Variants in LRRK2 observed in about 807,000 individuals in gnomAD.
LRRK2 encodes leucine rich repeat kinase 2.
A neutral mutation model predicts 302.6 loss-of-function variants in LRRK2; 203 were observed. That is an observed-to-expected ratio of 0.67 (90% CI 0.60 to 0.75). The LOEUF (loss-of-function observed/expected upper bound fraction) is 0.75, where lower values mean the gene tolerates loss of function less well. Ranked by LOEUF, LRRK2 falls within the 30% of genes least tolerant of loss-of-function variation. LRRK2 has a pLI of 0.00. For missense variants in LRRK2, 2,830 were observed against 2,951.0 expected, an observed-to-expected ratio of 0.96 and a Z score of 0.95; for synonymous variants, 1,066 against 1,031.9, an observed-to-expected ratio of 1.03 and a Z score of -0.63.
chr12:40,273,587 G>C (rs1408644445), intron 14 of LRRK2, among the ~76,000 whole-genome samples: 1 of 152,186 alleles, frequency 6.6e-6, no homozygotes, highest in Non-Finnish European at 1.5e-5. Context: ...AAAGACGTCT[G>C]GCTTGAAGCT....
intron 7 of LRRK2, 103 bp downstream of exon 7, chr12:40,243,784 C>A: frequency 9.0e-7 from 1 of 1,108,308 alleles, no homozygotes; most frequent in Non-Finnish European, 1.3e-6. Context: ...TATTGACATA[C>A]TTTGAATGAA....
In LRRK2 at chr12:40,320,110, T is replaced by G; in HGVS notation, c.4950T>G (p.Phe1650Leu). 3 of 1,611,998 alleles carry G rather than the reference T, an allele frequency of 1.9e-6. No individual in the cohort carries two copies. Among genetic ancestry groups the G allele is most frequent in the South Asian group, 1.1e-5 (1 of 90,770 alleles). ...CAAAGAACTACATGTCACAGTATTT[T>G]AAGCTCCTAGAAAAATTCCAGATTG... ...KFPKNYMSQY[F>L]KLLEKFQIAL... The change falls in exon 34 of 51, where the codon TTT becomes TTG. Residue 1650 changes from phenylalanine (F) to leucine (L), a missense_variant. Phe to Leu is a conservative substitution (Grantham distance 22, BLOSUM62 0). Transcript: ENST00000298910.
intron 18 of LRRK2, among the ~76,000 whole-genome samples, chr12:40,281,951 G>GA (rs546866356): frequency 4.6e-5 from 7 of 151,882 alleles, no homozygotes; most frequent in Middle Eastern, 3.4e-3. Flanking sequence ...ATATCTTAGA[G>GA]AAAAAAAAGT....
At chr12:40,268,414 GCAA>G (rs879901603) in intron 14 of LRRK2, among the ~76,000 whole-genome samples, 3 of 151,976 alleles carry the variant, frequency 2.0e-5, no homozygotes, top group African/African-American at 2.4e-5. Flanking sequence ...ATCTGCAAAA[GCAA>G]CAACAACAAT....
At chr12:40,319,687 T>C (rs1945338747) in intron 33 of LRRK2, among the ~76,000 whole-genome samples, 1 of 152,094 alleles carries the variant, frequency 6.6e-6, no homozygotes, top group Non-Finnish European at 1.5e-5. Flanking sequence ...ATGTGAGGTA[T>C]TGGATTGATC....
At chr12:40,242,541 A>G (rs1030856814) in intron 6 of LRRK2, among the ~76,000 whole-genome samples, 3 of 151,472 alleles carry the variant, frequency 2.0e-5, no homozygotes, top group Non-Finnish European at 4.4e-5. Flanking sequence ...TCTTCCACCT[A>G]TTTTGGAGCC....
chr12:40,258,825 A>G (rs1234087630), intron 12 of LRRK2, among the ~76,000 whole-genome samples: 2 of 152,182 alleles, frequency 1.3e-5, no homozygotes, highest in African/African-American at 4.8e-5. Context: ...AGAACCATGC[A>G]AAGTGAGAAC....
chr12:40,298,530 A>G, intron 24 of LRRK2, 37 bp downstream of exon 24: 1 of 1,611,910 alleles, frequency 6.2e-7, no homozygotes. Flanking sequence ...AGGGTTGCCT[A>G]AATATGCTGA....
At chr12:40,315,598 G>C (rs1453211460) in intron 33 of LRRK2, among the ~76,000 whole-genome samples, 1 of 151,918 alleles carries the variant, frequency 6.6e-6, no homozygotes, top group Non-Finnish European at 1.5e-5. Context: ...TACTGAATTA[G>C]TCAATTGAAT....
intron 50 of LRRK2, 24 bp from the exon 51 acceptor site, chr12:40,367,620 G>T (rs202072028): frequency 1.9e-6 from 3 of 1,593,604 alleles, no homozygotes; most frequent in African/African-American, 2.7e-5. Context: ...TTTGAAACAT[G>T]ATTTCATTTT....
intron 29 of LRRK2, 87 bp downstream of exon 29, chr12:40,308,783 C>A: frequency 8.2e-7 from 1 of 1,219,650 alleles, no homozygotes; most frequent in Non-Finnish European, 1.2e-6. Flanking sequence ...TTCTAATATC[C>A]AGAAACCTGG....
chr12:40,284,961 C>T (rs1249815862), intron 19 of LRRK2, among the ~76,000 whole-genome samples: 2 of 152,156 alleles, frequency 1.3e-5, no homozygotes, highest in Non-Finnish European at 2.9e-5. Context: ...AAACTGAGTG[C>T]TGCTAGAGAA....
At position 40,367,682 on chromosome 12, in the gene LRRK2, C is replaced by T. The variant is rs1416992465; in HGVS notation, c.7501C>T (p.Pro2501Ser). The change falls in exon 51 of 51, where the codon CCA (proline) becomes TCA (serine). Residue 2501 changes from proline to serine, a missense_variant. Physicochemically the swap from Pro to Ser is moderately conservative, Grantham distance 74 (BLOSUM62 -1). Around this residue, in one of 3 missense-constraint regions of LRRK2, gnomAD observed 456 missense variants for 456.3 expected, o/e 1.00. Coordinates refer to ENST00000298910, the MANE Select transcript of LRRK2 (RefSeq NM_198578.4). ...SCLTVWDINL[P>S]HEVQNLEKHI... ...CTTGACCGTTTGGGACATCAATCTTCCACATGAAGTGCAAAATTTAGAAAA... is the reference window on the plus strand; with the variant it reads ...CTTGACCGTTTGGGACATCAATCTTTCACATGAAGTGCAAAATTTAGAAAA... 2 of 1,602,960 alleles carry T rather than the reference C, an allele frequency of 1.2e-6. No homozygotes were observed. Among genetic ancestry groups the T allele is most frequent in the South Asian group, 1.1e-5 (1 of 89,756 alleles).
At position 40,225,182 on chromosome 12, in the gene LRRK2, G is replaced by T. The variant is rs760489048; in HGVS notation, c.51G>T (p.Lys17Asn). The T allele has an allele frequency of 1.2e-6, 2 of 1,614,228 alleles. No homozygotes were observed. Among genetic ancestry groups the T allele is most frequent in the South Asian group, 1.1e-5 (1 of 91,090 alleles). The change falls in exon 1 of 51, where the codon AAG becomes AAT. Residue 17 changes from lysine (K) to asparagine (N), a missense_variant. By Grantham distance (94) the Lys-to-Asn change is moderately conservative. Coordinates refer to ENST00000298910, the MANE Select transcript of LRRK2 (RefSeq NM_198578.4). ...QGCEEDEETL[K>N]KLIVRLNNVQ... Reference sequence around the variant, plus strand: ...GCGAAGAGGACGAGGAAACTCTGAAGAAGTTGATAGTCAGGCTGAACAATG... The same window carrying T: ...GCGAAGAGGACGAGGAAACTCTGAATAAGTTGATAGTCAGGCTGAACAATG...
chr12:40,298,643 G>T, intron 24 of LRRK2, 150 bp downstream of exon 24: 1 of 967,948 alleles, frequency 1.0e-6, no homozygotes, highest in East Asian at 2.7e-5. Context: ...GTGGTGGTGC[G>T]CACCTTATAA....
chr12:40,355,506 T>TCCCTCCCC (rs1946501082), intron 45 of LRRK2, among the ~76,000 whole-genome samples: 1 of 60,122 alleles, frequency 1.7e-5, no homozygotes, highest in Non-Finnish European at 4.4e-5. Flanking sequence ...CTTCCTTCCA[T>TCCCTCCCC]CCCTCCCTCC....
chr12:40,364,021 G>C (rs1416174220), intron 48 of LRRK2, among the ~76,000 whole-genome samples: 1 of 151,992 alleles, frequency 6.6e-6, no homozygotes. Flanking sequence ...TGAGAGCATA[G>C]TGCTTAGTCT....
In LRRK2 at chr12:40,323,165, C is replaced by A; in HGVS notation, c.5515C>A (p.Leu1839Ile). The A allele has an allele frequency of 6.2e-7, 1 of 1,612,636 alleles. No individual in the cohort carries two copies. The highest frequency in any genetic ancestry group is 8.5e-7 in the Non-Finnish European group (1 of 1,178,932). ...DLMKKAEEGD[L>I]LVNPDQPRLT... ...AATGTTTTATTACTTCTCAGGAGAT[C>A]TCTTAGTAAATCCAGATCAACCAAG... The change falls in exon 38 of 51, where the codon CTC becomes ATC. Residue 1839 changes from leucine (L) to isoleucine (I), a missense_variant. Physicochemically the swap from Leu to Ile is conservative, Grantham distance 5. This residue lies in a region of LRRK2 where 2,121 missense variants were observed against 2,148.0 expected (regional missense o/e 0.99). Transcript: ENST00000298910.
At chr12:40,231,622 A>G (rs1043841048) in intron 2 of LRRK2, among the ~76,000 whole-genome samples, 1 of 148,520 alleles carries the variant, frequency 6.7e-6, no homozygotes. Flanking sequence ...AGGATCTGGT[A>G]TAGCCATTCT....
Sources: allele counts gnomAD v4.1 joint callset (sites outside exome capture counted in the v4.1 genomes callset), GRCh38; gene constraint gnomAD v4.1.1; regional missense constraint gnomAD v4.1.1; transcripts MANE v1.5; gene names NCBI Gene and HGNC (gene_info 2026-07-23, HGNC 2026-07-21).